The following THOC7 variants were observed in gnomAD, a reference collection of about 807,000 sequenced individuals.
THOC7 encodes the protein THO complex subunit 7, also known as NIF3L1-binding protein 1.
In THOC7, 22 loss-of-function variants were observed where a neutral mutation model predicts 33.1. That is an observed-to-expected ratio of 0.66 (90% CI 0.47 to 0.95). The LOEUF is 0.95. Ranked by LOEUF, THOC7 falls within the 40% of genes least tolerant of loss-of-function variation. The pLI is 0.00. For synonymous variants in THOC7, 77 were observed against 76.8 expected, an observed-to-expected ratio of 1.00 and a Z score of -0.01; for missense variants, 184 against 245.3, an observed-to-expected ratio of 0.75 and a Z score of 1.67.
At chr3:63,852,471 G>A (rs1702038121) in intron 1 of THOC7, among the ~76,000 whole-genome samples, 3 of 152,334 alleles carry the variant, frequency 2.0e-5, no homozygotes, top group Non-Finnish European at 4.4e-5. Flanking sequence ...AAAAAAGAAA[G>A]CTGAAGTCCT....
At chr3:63,848,059 T>A (rs1701938180) in intron 1 of THOC7, among the ~76,000 whole-genome samples, 1 of 152,152 alleles carries the variant, frequency 6.6e-6, no homozygotes, top group Non-Finnish European at 1.5e-5. Flanking sequence ...ATAAGATACA[T>A]CACATGACAG....
At chr3:63,840,709 G>A (rs145249075) in intron 1 of THOC7, among the ~76,000 whole-genome samples, 36 of 152,296 alleles carry the variant, frequency 2.4e-4, no homozygotes, top group Middle Eastern at 3.4e-3. Flanking sequence ...ACAAAATGAT[G>A]CTGGATCGTA....
At chr3:63,863,677 G>A (rs1702299163) in intron 1 of THOC7, 95 bp downstream of exon 1, 11 of 1,236,518 alleles carry the variant, frequency 8.9e-6, no homozygotes, top group African/African-American at 3.1e-5. Context: ...CGGGGAGGCC[G>A]AGGGGTTCCC....
intron 1 of THOC7, among the ~76,000 whole-genome samples, chr3:63,855,792 C>G (rs186399428): frequency 6.6e-6 from 1 of 152,322 alleles, no homozygotes; most frequent in Non-Finnish European, 1.5e-5. Context: ...CCTTTGTGAA[C>G]TAGTAATCCT....
At chr3:63,860,652 A>G (rs1702192612) in intron 1 of THOC7, 1 of 152,154 alleles carries the variant, frequency 6.6e-6, no homozygotes, top group African/African-American at 2.4e-5. Flanking sequence ...TGGTTAATTA[A>G]TGTACTAGAC....
In THOC7 at chr3:63,834,105, C is replaced by G; in HGVS notation, c.*27G>C. On this transcript the variant is annotated 3_prime_UTR_variant, in exon 8 of 8. Coordinates refer to ENST00000295899, the MANE Select transcript of THOC7 (RefSeq NM_025075.4). ...ATGGTCATGTAGCTATTTCAATATT[C>G]CTGGGAGTGGTGGGCAATTAGCCTG... 2 of 1,612,322 alleles carry G rather than the reference C, an allele frequency of 1.2e-6. No individual in the cohort carries two copies. Among genetic ancestry groups the G allele is most frequent in the Non-Finnish European group, 8.5e-7 (1 of 1,178,700 alleles).
intron 1 of THOC7, among the ~76,000 whole-genome samples, chr3:63,843,323 G>T (rs996060961): frequency 7.3e-5 from 11 of 151,484 alleles, no homozygotes; most frequent in African/African-American, 2.7e-4. Flanking sequence ...TAACCATCTT[G>T]GCCAGGCTGG....
Position 63,834,057 on chromosome 3 carries a change from G to T in THOC7, c.*75C>A. 1.4e-6 allele frequency: 2 copies of T among 1,448,416 alleles called. No homozygotes were observed. Among genetic ancestry groups the T allele is most frequent in the Non-Finnish European group, 1.9e-6 (2 of 1,041,810 alleles). The allele number at this position is 1,448,416 out of a possible 1,614,324, so 89.7% of individuals were successfully genotyped here. A position where few individuals can be genotyped will look rare whatever the true frequency, so the allele number is the denominator to read the frequency against. ...TGCCAAAACTTTAAATATCTCAAGAGCATACCACATTTTAAACACATTATG... is the reference window on the plus strand; with the variant it reads ...TGCCAAAACTTTAAATATCTCAAGATCATACCACATTTTAAACACATTATG... On this transcript the variant is annotated 3_prime_UTR_variant, in exon 8 of 8. Coordinates refer to ENST00000295899, the MANE Select transcript of THOC7 (RefSeq NM_025075.4).
chr3:63,863,612 A>C, intron 1 of THOC7, 160 bp downstream of exon 1: 1 of 1,194,872 alleles, frequency 8.4e-7, no homozygotes. Context: ...GCAGCCGGGG[A>C]GGCCCGGGGC....
At chr3:63,835,486 A>C (rs1288031658) in intron 5 of THOC7, 96 bp from the exon 6 acceptor site, 1 of 1,122,920 alleles carries the variant, frequency 8.9e-7, no homozygotes, top group Non-Finnish European at 1.3e-6. Context: ...GATTTTTAAA[A>C]TAAAAAAAGG....
chr3:63,856,164 C>T (rs1428205865), intron 1 of THOC7, among the ~76,000 whole-genome samples: 1 of 151,642 alleles, frequency 6.6e-6, no homozygotes, highest in African/African-American at 2.4e-5. Flanking sequence ...GATTTATATT[C>T]AAAAGAGCTC....
intron 1 of THOC7, among the ~76,000 whole-genome samples, chr3:63,857,453 A>G (rs1250231577): frequency 6.6e-6 from 1 of 151,988 alleles, no homozygotes; most frequent in Non-Finnish European, 1.5e-5. Flanking sequence ...AAGGCCATGT[A>G]AAAAAAATGT....
rs574521030 is a variant in THOC7, at chr3:63,844,027, G to A, written c.20-4254C>T. On this transcript the variant is annotated intron_variant, in intron 1 of 7. Coordinates refer to ENST00000295899, the MANE Select transcript of THOC7 (RefSeq NM_025075.4). ...ATGAAATACTATTCAACCATAAAAAGGAGGACATCCTGTCATTTCAACTAC... is the reference window on the plus strand; with the variant it reads ...ATGAAATACTATTCAACCATAAAAAAGAGGACATCCTGTCATTTCAACTAC... 8.5e-5 allele frequency among the ~76,000 whole-genome samples: 13 copies of A among 152,174 alleles called. 1 individual carries two copies. Among genetic ancestry groups the A allele is most frequent in the African/African-American group, 2.6e-4 (11 of 41,510 alleles).
At position 63,839,655 on chromosome 3, in the gene THOC7, C is replaced by T. The variant is rs941175487; in HGVS notation, c.137+1G>A. On this transcript the variant is annotated splice_donor_variant, in intron 2 of 7. Transcript: ENST00000295899. LOFTEE classifies it high-confidence loss of function. ...TGGAAACAACAGTGAAAATGAAATA[C>T]CCCTCTTCCTGGGACCCAGAGTTGC... 1.9e-6 allele frequency: 3 copies of T among 1,610,326 alleles called. No individual in the cohort carries two copies. The highest frequency in any genetic ancestry group is 2.5e-6 in the Non-Finnish European group (3 of 1,178,534).
At chr3:63,843,114 T>G (rs1238765044) in intron 1 of THOC7, among the ~76,000 whole-genome samples, 1 of 147,912 alleles carries the variant, frequency 6.8e-6, no homozygotes, top group Non-Finnish European at 1.5e-5. Flanking sequence ...GTATGTATAT[T>G]TGTTTGTTTG....
intron 1 of THOC7, among the ~76,000 whole-genome samples, chr3:63,852,937 GGTCAGGA>G (rs1399426068): frequency 6.6e-6 from 1 of 152,098 alleles, no homozygotes; most frequent in Non-Finnish European, 1.5e-5. Flanking sequence ...GATCACTTGA[GGTCAGGA>G]GTTTGAGACC....
At chr3:63,836,944 G>A (rs1701646960) in intron 4 of THOC7, among the ~76,000 whole-genome samples, 1 of 151,392 alleles carries the variant, frequency 6.6e-6, no homozygotes, top group Non-Finnish European at 1.5e-5. Flanking sequence ...ATTAACCAAC[G>A]AAAACACTGC....
chr3:63,835,389 C>G lies in THOC7; in HGVS notation c.412G>C (p.Glu138Gln). 4 of 1,612,892 alleles carry G rather than the reference C, an allele frequency of 2.5e-6. No individual in the cohort carries two copies. The highest frequency in any genetic ancestry group is 3.4e-6 in the Non-Finnish European group (4 of 1,179,610). The part of the protein sequence containing the change: ...HHPDRHETLK[E>Q]LEALGKELEH... ...AATTCTTTTCCCAGAGCCTCTAGTT[C>G]CCTGGAAATAATAAAACAGTGTTAC... The change falls in exon 6 of 8, where the codon GAA (glutamate) becomes CAA (glutamine). Residue 138 changes from glutamate (E) to glutamine (Q), a missense_variant and splice_region_variant. By Grantham distance (29) the Glu-to-Gln change is conservative (BLOSUM62 2). Transcript: ENST00000295899.
chr3:63,852,911 G>A (rs1043197447), intron 1 of THOC7, among the ~76,000 whole-genome samples: 3 of 152,150 alleles, frequency 2.0e-5, no homozygotes, highest in Non-Finnish European at 1.5e-5. Flanking sequence ...AGCATTTTGA[G>A]AGCCCAAGGT....
Sources: allele counts gnomAD v4.1 joint callset (sites outside exome capture counted in the v4.1 genomes callset), GRCh38; gene constraint gnomAD v4.1.1; transcripts MANE v1.5; gene names NCBI Gene and HGNC (gene_info 2026-07-23, HGNC 2026-07-21).